The following MPIG6B variants were observed in gnomAD, a reference collection of about 807,000 sequenced individuals.
MPIG6B encodes immunoglobulin receptor.
A neutral mutation model predicts 24.2 loss-of-function variants in MPIG6B; 22 were observed. The observed-to-expected ratio is 0.91, with a 90% CI of 0.65 to 1.30. The LOEUF (loss-of-function observed/expected upper bound fraction) is 1.30. MPIG6B is among the 50% of genes most tolerant of loss of function. The probability of loss-of-function intolerance (pLI) is 0.00; values close to 1 mark genes in which losing one functional copy is unlikely to be tolerated. For missense variants in MPIG6B, 301 were observed against 318.5 expected (o/e 0.94, Z 0.42); for synonymous variants, 136 against 142.0 (o/e 0.96, Z 0.30).
At chr6:31,723,289 CTCCGTTCT>C, upstream of MPIG6B, 1 of 1,015,626 alleles carries the variant, frequency 9.8e-7, no homozygotes, top group Non-Finnish European at 1.5e-6. This position sits in a 1 kb window ranked among gnomAD's most constrained non-coding sequence, Gnocchi z 4.3. Flanking sequence ...CCCCCAGCCC[CTCCGTTCT>C]CCCCACGCCT....
chr6:31,721,558 G>C, upstream of MPIG6B: 2 of 1,455,246 alleles, frequency 1.4e-6, no homozygotes, highest in Non-Finnish European at 1.9e-6. Context: ...GTAGGGCCGG[G>C]AAGTGGGTAG....
In MPIG6B at chr6:31,723,774, C is replaced by A; in HGVS notation, c.197C>A (p.Ala66Asp). 1 of 1,613,928 alleles carries A rather than the reference C, an allele frequency of 6.2e-7. No individual in the cohort carries two copies. The highest frequency in any genetic ancestry group is 8.5e-7 in the Non-Finnish European group (1 of 1,179,998). ...AAAGGACGCCGACCGATCCTGTGGG[C>A]CTCTTCGAGCGGGACCCCCACCGTG... is the stretch of plus-strand genomic sequence containing the variant. ...LSKGRRPILWASSSGTPTVPP... is the reference protein window; with the variant it reads ...LSKGRRPILWDSSSGTPTVPP... The change falls in exon 2 of 6, where the codon GCC becomes GAC. Residue 66 changes from alanine to aspartate, a missense_variant. By Grantham distance (126) the Ala-to-Asp change is moderately radical. Transcript: ENST00000649779. This position sits in a 1 kb window ranked among gnomAD's most constrained non-coding sequence, Gnocchi z 4.3.
upstream of MPIG6B, chr6:31,721,834 G>A (rs538663485): frequency 7.0e-6 from 5 of 713,044 alleles, no homozygotes; most frequent in African/African-American, 3.6e-5. Context: ...CACTTACTAC[G>A]CAGCTGACCA....
chr6:31,723,813 C>CT lies in MPIG6B; in HGVS notation c.239dup (p.Val81ArgfsTer99). ...ACCCCCACCGTGCCTCCCCTCCAGCCTTTCGTCGGCCGCCTACGCTCCCTG... is the reference window on the plus strand; with the variant it reads ...ACCCCCACCGTGCCTCCCCTCCAGCCTTTTCGTCGGCCGCCTACGCTCCCTG... On this transcript the variant is annotated frameshift_variant, in exon 2 of 6. Transcript: ENST00000649779. LOFTEE classifies it high-confidence loss of function. The surrounding 1 kb of genome is among the most constrained non-coding windows in gnomAD (Gnocchi z 4.3). 5 of 1,613,858 alleles carry CT rather than the reference C, an allele frequency of 3.1e-6. No individual in the cohort carries two copies. Among genetic ancestry groups the CT allele is most frequent in the Non-Finnish European group, 4.2e-6 (5 of 1,179,918 alleles).
At chr6:31,720,435 C>T (rs548381908), upstream of MPIG6B, among the ~76,000 whole-genome samples, 5 of 152,180 alleles carry the variant, frequency 3.3e-5, no homozygotes, top group Non-Finnish European at 7.3e-5. The surrounding 1 kb of genome is among the most constrained non-coding windows in gnomAD (Gnocchi z 4.9). Context: ...CCCTACATAT[C>T]TTCCATCACT....
upstream of MPIG6B, among the ~76,000 whole-genome samples, chr6:31,722,787 G>A (rs927782932): frequency 1.2e-4 from 18 of 149,778 alleles, no homozygotes; most frequent in Admixed American, 3.3e-4. Flanking sequence ...TCCAGGAGCC[G>A]GAGGCTGCAG....
chr6:31,723,523 G>C lies in MPIG6B; in HGVS notation c.61+79G>C, dbSNP rs1441075688. ...AGGGCCGCCTAGTAGGGTGGGTTGT[G>C]TGTGGGAAGATCCAGGATGGCTGGA... On this transcript the variant is annotated intron_variant, in intron 1 of 5. Coordinates refer to ENST00000649779, the MANE Select transcript of MPIG6B (RefSeq NM_138272.3). This position sits in a 1 kb window ranked among gnomAD's most constrained non-coding sequence, Gnocchi z 4.3. The C allele has an allele frequency of 2.7e-6, 4 of 1,465,540 alleles. No homozygotes were observed. In the African/African-American group the frequency reaches 5.6e-5, roughly 20 times the overall value. The allele number at this position is 1,465,540 out of a possible 1,614,324, so 90.8% of individuals were successfully genotyped here.
intron 2 of MPIG6B, 47 bp downstream of exon 2, chr6:31,724,033 C>A: frequency 1.3e-6 from 2 of 1,563,866 alleles, no homozygotes; most frequent in Non-Finnish European, 1.7e-6. Context: ...CCGACACATA[C>A]CCGGAGGAGG....
rs754702403 is a variant in MPIG6B, at chr6:31,725,016, G to A, written c.668G>A (p.Arg223His). Residue 223 changes from arginine (R) to histidine (H), a missense_variant, in exon 6 of 6, where the codon CGC (arginine) becomes CAC (histidine). Physicochemically the swap from Arg to His is conservative, Grantham distance 29. Coordinates refer to ENST00000649779, the MANE Select transcript of MPIG6B (RefSeq NM_138272.3). The surrounding 1 kb of genome is among the most constrained non-coding windows in gnomAD (Gnocchi z 5.2). Reference protein sequence around the residue: ...DLDHLALSRPRRLSTADPADA... With the variant: ...DLDHLALSRPHRLSTADPADA... ...GACCATCTAGCCCTCAGCAGGCCCC[G>A]CCGGCTGTCCACAGCGGACCCTGCT... 6.8e-6 allele frequency: 11 copies of A among 1,613,758 alleles called. No individual in the cohort carries two copies. The highest frequency in any genetic ancestry group is 1.3e-5 in the African/African-American group (1 of 75,004).
At position 31,723,612 on chromosome 6, in the gene MPIG6B, C is replaced by CTG. The variant is rs1807005896; in HGVS notation, c.62-26_62-25insGT. 6.5e-7 allele frequency: 1 copy of CTG among 1,530,168 alleles called. No homozygotes were observed. Among genetic ancestry groups the CTG allele is most frequent in the African/African-American group, 1.4e-5 (1 of 72,762 alleles). The allele number at this position is 1,530,168 out of a possible 1,614,324, so 94.8% of individuals were successfully genotyped here. A position where few individuals can be genotyped will look rare whatever the true frequency, so the allele number is the denominator to read the frequency against. On this transcript the variant is annotated intron_variant, in intron 1 of 5. Transcript: ENST00000649779. This position sits in a 1 kb window ranked among gnomAD's most constrained non-coding sequence, Gnocchi z 4.3. ...GGTCGTCTTGCCCTGTGGACGTGCC[C>CTG]TAACCACAGCCTCCGGCCTCTCCTA...
At chr6:31,723,269 T>A, upstream of MPIG6B, 5 of 654,292 alleles carry the variant, frequency 7.6e-6, no homozygotes, top group African/African-American at 1.8e-5. The surrounding 1 kb of genome is among the most constrained non-coding windows in gnomAD (Gnocchi z 4.3). Context: ...GCCCCCTCTC[T>A]TATCGGAGCC....
rs759639514 is a variant in MPIG6B at position 31,723,613 on chromosome 6, T to C, written c.62-26T>C. 6 of 1,531,356 alleles carry C rather than the reference T, an allele frequency of 3.9e-6. No homozygotes were observed. The African/African-American group carries it at 5.5e-5, about 14-fold the overall frequency. 94.9% of individuals were successfully genotyped at this position (1,531,356 alleles called of 1,614,324 possible). On this transcript the variant is annotated intron_variant, in intron 1 of 5. Transcript: ENST00000649779. This position sits in a 1 kb window ranked among gnomAD's most constrained non-coding sequence, Gnocchi z 4.3. ...GTCGTCTTGCCCTGTGGACGTGCCC[T>C]AACCACAGCCTCCGGCCTCTCCTAG...
At position 31,725,018 on chromosome 6, in the gene MPIG6B, CG is replaced by C; in HGVS notation, c.672del (p.Leu225CysfsTer16). 2 of 1,613,908 alleles carry C rather than the reference CG, an allele frequency of 1.2e-6. No homozygotes were observed. Among genetic ancestry groups the C allele is most frequent in the Non-Finnish European group, 1.7e-6 (2 of 1,180,008 alleles). The part of the protein sequence containing the change: ...LDHLALSRPR[R>X]LSTADPADAS... The stretch of plus-strand genomic sequence containing the variant: ...CCATCTAGCCCTCAGCAGGCCCCGC[CG>C]GCTGTCCACAGCGGACCCTGCTGAT... On this transcript the variant is annotated frameshift_variant, in exon 6 of 6. Transcript: ENST00000649779. LOFTEE classifies it high-confidence loss of function. This position sits in a 1 kb window ranked among gnomAD's most constrained non-coding sequence, Gnocchi z 5.2.
Position 31,723,716 on chromosome 6 carries a change from G to T in MPIG6B, c.139G>T (p.Ala47Ser). 1 of 1,612,434 alleles carries T rather than the reference G, an allele frequency of 6.2e-7. No homozygotes were observed. The change falls in exon 2 of 6, where the codon GCA becomes TCA. Residue 47 changes from alanine to serine, a missense_variant. Physicochemically the swap from Ala to Ser is moderately conservative, Grantham distance 99. Transcript: ENST00000649779. The surrounding 1 kb of genome is among the most constrained non-coding windows in gnomAD (Gnocchi z 4.3). ...GVSHPIRWVW[A>S]PSFPACKGLS... ...CTCTCATCCCATCCGCTGGGTCTGG[G>T]CACCCAGCTTCCCGGCCTGCAAGGG...
chr6:31,724,503 C>T, intron 3 of MPIG6B, 84 bp from the exon 4 acceptor site: 4 of 1,188,210 alleles, frequency 3.4e-6, no homozygotes, highest in Non-Finnish European at 3.8e-6. Flanking sequence ...CTTCAAGTTG[C>T]TGGGCTGTCC....
rs568655179 is a variant in MPIG6B, at chr6:31,726,672, G to T, written c.*1598G>T. The T allele has an allele frequency of 6.6e-6, 1 of 152,482 alleles. No individual in the cohort carries two copies. Among genetic ancestry groups the T allele is most frequent in the South Asian group, 2.1e-4 (1 of 4,870 alleles). 9.4% of individuals were successfully genotyped at this position (152,482 alleles called of 1,614,324 possible). On this transcript the variant is annotated 3_prime_UTR_variant, in exon 6 of 6. Transcript: ENST00000649779. This position sits in a 1 kb window ranked among gnomAD's most constrained non-coding sequence, Gnocchi z 5.1. ...CCAACGTCAGGAGACTGACCCTTTT[G>T]ATATCATTGCTAAGCCTCATTAAAT...
chr6:31,723,780 C>G lies in MPIG6B; in HGVS notation c.203C>G (p.Ser68Trp). The G allele has an allele frequency of 1.2e-6, 2 of 1,613,930 alleles. No homozygotes were observed. Among genetic ancestry groups the G allele is most frequent in the African/African-American group, 1.3e-5 (1 of 75,040 alleles). Residue 68 changes from serine to tryptophan, a missense_variant, in exon 2 of 6, where the codon TCG (serine) becomes TGG (tryptophan). Physicochemically the swap from Ser to Trp is radical, Grantham distance 177. Coordinates refer to ENST00000649779, the MANE Select transcript of MPIG6B (RefSeq NM_138272.3). This position sits in a 1 kb window ranked among gnomAD's most constrained non-coding sequence, Gnocchi z 4.3. ...KGRRPILWAS[S>W]SGTPTVPPLQ... ...CGCCGACCGATCCTGTGGGCCTCTTCGAGCGGGACCCCCACCGTGCCTCCC... is the reference window on the plus strand; with the variant it reads ...CGCCGACCGATCCTGTGGGCCTCTTGGAGCGGGACCCCCACCGTGCCTCCC...
upstream of MPIG6B, among the ~76,000 whole-genome samples, chr6:31,722,612 T>G (rs1156695770): frequency 6.6e-6 from 1 of 152,058 alleles, no homozygotes. Flanking sequence ...ATCTCAGCAC[T>G]TTGGGAGGCC....
In MPIG6B at chr6:31,726,418, G is replaced by T. The variant is rs1807370250; in HGVS notation, c.*1344G>T. ...TTGCCCAGTGCAATTCCTTCTTCCT[G>T]TATTACCCCTTTCCCTCCTTCACAC... On this transcript the variant is annotated 3_prime_UTR_variant, in exon 6 of 6. Transcript: ENST00000649779. The surrounding 1 kb of genome is among the most constrained non-coding windows in gnomAD (Gnocchi z 5.1). 6.6e-6 allele frequency: 1 copy of T among 152,118 alleles called. No homozygotes were observed. The highest frequency in any genetic ancestry group is 2.4e-5 in the African/African-American group (1 of 41,380). The allele number at this position is 152,118 out of a possible 1,614,324, so 9.4% of individuals were successfully genotyped here.
Sources: allele counts gnomAD v4.1 joint callset (sites outside exome capture counted in the v4.1 genomes callset), GRCh38; gene constraint gnomAD v4.1.1; non-coding constraint Gnocchi (gnomAD v3.1); transcripts MANE v1.5; gene names NCBI Gene and HGNC (gene_info 2026-07-23, HGNC 2026-07-21).